The following C4orf51 variants were observed in gnomAD, a reference collection of about 807,000 sequenced individuals.
The protein encoded by C4orf51 is chromosome 4 open reading frame 51.
Under a neutral mutation model 25.2 loss-of-function variants are expected in C4orf51, and 25 were observed. The ratio of observed to expected loss-of-function variants is 0.99; its 90% CI spans 0.72 to 1.39. The LOEUF (loss-of-function observed/expected upper bound fraction) is 1.39, where lower values mean the gene tolerates loss of function less well. C4orf51 is among the 40% of genes most tolerant of loss of function. The probability of loss-of-function intolerance (pLI) is 0.00; values close to 1 mark genes in which losing one functional copy is unlikely to be tolerated. For missense variants in C4orf51, 252 were observed against 239.6 expected, an observed-to-expected ratio of 1.05 and a Z score of -0.34; for synonymous variants, 100 against 84.5, an observed-to-expected ratio of 1.18 and a Z score of -1.01.
chr4:145,705,895 T>A (rs1730777650), intron 2 of C4orf51, among the ~76,000 whole-genome samples: 2 of 152,178 alleles, frequency 1.3e-5, no homozygotes, highest in South Asian at 4.1e-4. Flanking sequence ...CTCAGGTAGC[T>A]GGTGGCTATA....
chr4:145,740,297 T>C (rs1391241745), intron 1 of C4orf51, among the ~76,000 whole-genome samples: 3 of 118,960 alleles, frequency 2.5e-5, no homozygotes, highest in African/African-American at 1.0e-4. Flanking sequence ...AAAGTGACAA[T>C]GTGAGGTTTT....
intron 3 of C4orf51, among the ~76,000 whole-genome samples, chr4:145,727,233 A>G (rs1314796837): frequency 4.6e-5 from 7 of 152,186 alleles, no homozygotes; most frequent in Non-Finnish European, 8.8e-5. Context: ...CTTGCAGAGG[A>G]AAAATTATAT....
intron 1 of C4orf51, among the ~76,000 whole-genome samples, chr4:145,684,092 A>G (rs1439021196): frequency 6.8e-6 from 1 of 148,140 alleles, no homozygotes; most frequent in East Asian, 1.9e-4. Context: ...AAGAACTCTT[A>G]AAATTAAATT....
At chr4:145,684,163 C>T (rs1238733975) in intron 1 of C4orf51, among the ~76,000 whole-genome samples, 1 of 152,046 alleles carries the variant, frequency 6.6e-6, no homozygotes, top group Non-Finnish European at 1.5e-5. Flanking sequence ...CAAAGGGATA[C>T]ACAGTTGGCA....
rs554716520 is a variant in C4orf51, at chr4:145,688,200, TAAA to T, written c.233+7782_233+7784del. The stretch of plus-strand genomic sequence containing the variant: ...TGGGTGACAGAGTGAGATCCTACCT[TAAA>T]AAAAAAAAAAAAAAAAAGCACCTAC... On this transcript the variant is annotated intron_variant, in intron 1 of 5. Transcript: ENST00000438731. 6.8e-3 allele frequency among the ~76,000 whole-genome samples: 667 copies of T among 98,808 alleles called. 3 individuals carry two copies. Among genetic ancestry groups the T allele is most frequent in the African/African-American group, 0.023 (600 of 25,984 alleles). 64.8% of individuals were successfully genotyped at this position (98,808 alleles called of 152,430 possible). A position where few individuals can be genotyped will look rare whatever the true frequency, so the allele number is the denominator to read the frequency against.
chr4:145,744,656 CA>C (rs1272098212), intron 1 of C4orf51, among the ~76,000 whole-genome samples: 1 of 151,900 alleles, frequency 6.6e-6, no homozygotes, highest in African/African-American at 2.4e-5. Flanking sequence ...CCCGTCTCTA[CA>C]AAAAATTAGC....
At chr4:145,683,898 G>A (rs776925440) in intron 1 of C4orf51, among the ~76,000 whole-genome samples, 9 of 152,140 alleles carry the variant, frequency 5.9e-5, no homozygotes, top group Non-Finnish European at 1.3e-4. Flanking sequence ...TAATGGATAA[G>A]CTGAATTTCA....
rs1732093977 is a variant in C4orf51, at chr4:145,726,925, A to G, written c.322A>G (p.Ile108Val). The G allele has an allele frequency of 1.9e-6, 3 of 1,613,456 alleles. No individual in the cohort carries two copies. The highest frequency in any genetic ancestry group is 2.5e-6 in the Non-Finnish European group (3 of 1,179,448). ...TTDIKGLFPD[I>V]TRPFKKSFDV... is the part of the protein sequence containing the mutation. ...TGTGCATGCAGGACTATTCCCTGAT[A>G]TAACCAGGCCCTTTAAAAAGTCATT... The change falls in exon 3 of 6, where the codon ATA (isoleucine) becomes GTA (valine). Residue 108 changes from isoleucine to valine, a missense_variant. Coordinates refer to ENST00000438731, the MANE Select transcript of C4orf51 (RefSeq NM_001080531.3).
the C4orf51 span, chr4:145,776,080 G>A: frequency 8.7e-7 from 1 of 1,156,010 alleles, no homozygotes; most frequent in Non-Finnish European, 1.2e-6. Flanking sequence ...TTCAGATGGA[G>A]ACAATGGTAA....
downstream of C4orf51, chr4:145,775,984 A>T (rs1259674691): frequency 6.2e-7 from 1 of 1,613,938 alleles, no homozygotes. Context: ...AACAGGAAAA[A>T]GCCCAAATCG....
At chr4:145,750,688 G>C (rs1733625233) in intron 1 of C4orf51, among the ~76,000 whole-genome samples, 1 of 151,966 alleles carries the variant, frequency 6.6e-6, no homozygotes, top group Admixed American at 6.6e-5. Context: ...CTTTCTCTAG[G>C]TTTGGGAAGT....
downstream of C4orf51, among the ~76,000 whole-genome samples, chr4:145,756,867 A>G (rs1466614036): frequency 1.3e-5 from 2 of 152,224 alleles, no homozygotes; most frequent in African/African-American, 4.8e-5. Context: ...TCTCATTTTT[A>G]AAAAAGTAAA....
At chr4:145,728,037 AAT>A (rs61359065) in intron 3 of C4orf51, among the ~76,000 whole-genome samples, 32 of 123,326 alleles carry the variant, frequency 2.6e-4, no homozygotes, top group East Asian at 1.4e-3. Context: ...TATTATATAT[AAT>A]ATATATATAC....
At chr4:145,714,679 T>C (rs1731307242) in intron 2 of C4orf51, among the ~76,000 whole-genome samples, 2 of 152,212 alleles carry the variant, frequency 1.3e-5, no homozygotes, top group Admixed American at 6.5e-5. Context: ...ACTGGAAAAA[T>C]ACAGTGTTTC....
chr4:145,775,856 T>C (rs746485633), downstream of C4orf51: 3 of 1,614,198 alleles, frequency 1.9e-6, no homozygotes. Flanking sequence ...ATGTCCTCGG[T>C]GTCTGTACTC....
chr4:145,732,473 T>G lies in C4orf51; in HGVS notation c.522T>G (p.Ser174=), dbSNP rs371407616. Residue 174 remains serine, a synonymous_variant, in exon 6 of 6, where the codon TCT becomes TCG. Coordinates refer to ENST00000438731, the MANE Select transcript of C4orf51 (RefSeq NM_001080531.3). ...TCCAGCTTCATGGACGGTGCGATTCTGAAAGCAAGGTTTGCTCATCTGAGG... is the reference window on the plus strand; with the variant it reads ...TCCAGCTTCATGGACGGTGCGATTCGGAAAGCAAGGTTTGCTCATCTGAGG... The part of the protein sequence containing the change: ...VLKHLHGRCD[S]ESKVCSSEDS... 5.7e-5 allele frequency: 91 copies of G among 1,610,512 alleles called. No homozygotes were observed. The highest frequency in any genetic ancestry group is 6.5e-5 in the Non-Finnish European group (77 of 1,178,684).
intron 2 of C4orf51, among the ~76,000 whole-genome samples, chr4:145,725,817 T>C (rs938463690): frequency 6.6e-5 from 10 of 152,180 alleles, no homozygotes; most frequent in South Asian, 2.1e-4. Context: ...AGGAATCTTA[T>C]TGGGATGATG....
chr4:145,782,639 CA>C, the C4orf51 span, among the ~76,000 whole-genome samples: 2 of 152,184 alleles, frequency 1.3e-5, no homozygotes, highest in African/African-American at 4.8e-5. Context: ...AGCCCTTCCT[CA>C]CCTCACAGAT....
chr4:145,753,581 G>C (rs1001191538), intron 1 of C4orf51, among the ~76,000 whole-genome samples: 1 of 152,114 alleles, frequency 6.6e-6, no homozygotes, highest in Non-Finnish European at 1.5e-5. Context: ...ATATTCCTGG[G>C]GGAGTTATAT....
Sources: gnomAD v4.1 joint callset for allele counts (sites outside exome capture counted in the v4.1 genomes callset) on GRCh38, gnomAD v4.1.1 for gene constraint, MANE v1.5 for transcripts, NCBI Gene and HGNC (gene_info 2026-07-23, HGNC 2026-07-21) for gene names.